MAPRE3: variants seen among roughly 807,000 people sequenced by gnomAD.
MAPRE3 encodes microtubule-associated protein RP/EB family member 3.
In MAPRE3, 2 loss-of-function variants were observed where a neutral mutation model predicts 30.5. That is an observed-to-expected ratio of 0.07 (90% confidence interval 0.03 to 0.21). The LOEUF (loss-of-function observed/expected upper bound fraction) is 0.21. Ranked by LOEUF, MAPRE3 falls within the 10% of genes least tolerant of loss-of-function variation. The pLI is 1.00. For synonymous variants in MAPRE3, 110 were observed against 127.7 expected (o/e 0.86, Z 0.93); for missense variants, 204 against 351.8 (o/e 0.58, Z 3.36).
intron 1 of MAPRE3, among the ~76,000 whole-genome samples, chr2:26,978,342 G>A (rs113854805): frequency 2.0e-5 from 3 of 152,332 alleles, no homozygotes; most frequent in African/African-American, 4.8e-5. Context: ...CCCATGTGAG[G>A]AGTGTTTCAC....
chr2:26,990,297 C>A (rs769551785), intron 1 of MAPRE3, among the ~76,000 whole-genome samples: 1 of 152,180 alleles, frequency 6.6e-6, no homozygotes, highest in African/African-American at 2.4e-5. Flanking sequence ...CCTATGCGCC[C>A]CATGCTCTCC....
chr2:27,024,735 C>T (rs1346655122), intron 4 of MAPRE3, among the ~76,000 whole-genome samples: 1 of 152,314 alleles, frequency 6.6e-6, no homozygotes, highest in African/African-American at 2.4e-5. Flanking sequence ...CACCTTTCCC[C>T]ACTCTAAAGG....
chr2:27,024,059 G>A, intron 3 of MAPRE3, 37 bp from the exon 4 acceptor site: 1 of 1,550,146 alleles, frequency 6.5e-7, no homozygotes. Flanking sequence ...TACAGCAGCA[G>A]GTGGCTAAAG....
intron 1 of MAPRE3, among the ~76,000 whole-genome samples, chr2:26,980,415 TGTA>T (rs765284818): frequency 9.9e-5 from 15 of 152,242 alleles, no homozygotes; most frequent in African/African-American, 2.4e-4. Context: ...CATATAAAAT[TGTA>T]GTATGTGGTT....
At chr2:27,008,810 G>T (rs761146736) in intron 1 of MAPRE3, among the ~76,000 whole-genome samples, 1 of 152,140 alleles carries the variant, frequency 6.6e-6, no homozygotes, top group Non-Finnish European at 1.5e-5. Flanking sequence ...ATCCTCAGTG[G>T]GTGAATGAGT....
At chr2:27,018,923 A>T (rs137995294) in intron 1 of MAPRE3, among the ~76,000 whole-genome samples, 11,592 of 150,208 alleles carry the variant, frequency 0.077, 616 homozygotes, top group African/African-American at 0.15. Context: ...TTATTTATTT[A>T]TTTATTTTTT....
chr2:26,990,958 T>C (rs1666325045), intron 1 of MAPRE3, among the ~76,000 whole-genome samples: 1 of 152,180 alleles, frequency 6.6e-6, no homozygotes, highest in Admixed American at 6.5e-5. Context: ...ACGTACTTAC[T>C]GAACTTAAGA....
At chr2:27,014,562 C>G (rs1666938682) in intron 1 of MAPRE3, 1 of 152,364 alleles carries the variant, frequency 6.6e-6, no homozygotes, top group African/African-American at 2.4e-5. Flanking sequence ...ATGCTGGGCT[C>G]CAGGCCAACC....
At chr2:26,993,206 T>TA (rs1407653093) in intron 1 of MAPRE3, among the ~76,000 whole-genome samples, 1 of 151,986 alleles carries the variant, frequency 6.6e-6, no homozygotes, top group African/African-American at 2.4e-5. Flanking sequence ...CCATCTCTAC[T>TA]AAAAATACAA....
chr2:27,003,402 C>G lies in MAPRE3; in HGVS notation c.-7-18810C>G, dbSNP rs1666647549. Among the ~76,000 whole-genome samples, 3 of 152,248 alleles carry G rather than the reference C, an allele frequency of 2.0e-5. No homozygotes were observed. In the South Asian group the frequency reaches 6.2e-4, roughly 32 times the overall value. ...AGAAAAAAAAATCAGAATTCTGATT[C>G]CAGGAGGGAAATGATAAGGACTCTA... On this transcript the variant is annotated intron_variant, in intron 1 of 6. Coordinates refer to ENST00000233121, the MANE Select transcript of MAPRE3 (RefSeq NM_012326.4).
intron 1 of MAPRE3, among the ~76,000 whole-genome samples, chr2:26,976,033 T>C (rs757354440): frequency 6.6e-6 from 1 of 152,238 alleles, no homozygotes; most frequent in Non-Finnish European, 1.5e-5. Flanking sequence ...AATTTTCAGC[T>C]ATTGATGAAA....
At chr2:26,989,371 T>C (rs1666288772) in intron 1 of MAPRE3, among the ~76,000 whole-genome samples, 1 of 152,030 alleles carries the variant, frequency 6.6e-6, no homozygotes, top group Non-Finnish European at 1.5e-5. Context: ...CCTCGATTAA[T>C]AAGAAAGTGA....
chr2:27,026,231 C>T, intron 6 of MAPRE3, 49 bp from the exon 7 acceptor site: 1 of 1,554,392 alleles, frequency 6.4e-7, no homozygotes, highest in South Asian at 1.2e-5. Context: ...CTGAGAAGCC[C>T]TGCCTGGCCT....
chr2:26,993,700 T>G (rs962875028), intron 1 of MAPRE3, among the ~76,000 whole-genome samples: 3 of 152,280 alleles, frequency 2.0e-5, no homozygotes, highest in African/African-American at 7.2e-5. Context: ...CCCCATGAGA[T>G]TGCCAGGTTG....
intron 1 of MAPRE3, among the ~76,000 whole-genome samples, chr2:26,988,049 C>T (rs1666257732): frequency 6.6e-6 from 1 of 152,202 alleles, no homozygotes; most frequent in Non-Finnish European, 1.5e-5. Flanking sequence ...ACCCATTCTC[C>T]TGGGGCCACC....
At position 26,996,590 on chromosome 2, in the gene MAPRE3, C is replaced by T. The variant is rs568267587; in HGVS notation, c.-7-25622C>T. Among the ~76,000 whole-genome samples the T allele has an allele frequency of 3.9e-5, 6 of 152,190 alleles. No homozygotes were observed. In the South Asian group the frequency reaches 1.2e-3, roughly 32 times the overall value. On this transcript the variant is annotated intron_variant, in intron 1 of 6. Transcript: ENST00000233121. ...GGCTGAGGCGGGCAGATCATGAGGT[C>T]AGGAGATCGAGACCACAGTGAAACC...
intron 1 of MAPRE3, among the ~76,000 whole-genome samples, chr2:26,989,664 T>A (rs1351866599): frequency 6.6e-6 from 1 of 152,134 alleles, no homozygotes; most frequent in Admixed American, 6.6e-5. Flanking sequence ...AAAAATGAGA[T>A]GGCTAAGTGA....
chr2:26,984,173 A>G (rs1666171631), intron 1 of MAPRE3, among the ~76,000 whole-genome samples: 1 of 152,236 alleles, frequency 6.6e-6, no homozygotes, highest in Admixed American at 6.5e-5. Context: ...AGAAACTTGT[A>G]AGAGTGTTAT....
At chr2:27,004,426 T>G (rs1666675915) in intron 1 of MAPRE3, among the ~76,000 whole-genome samples, 1 of 152,200 alleles carries the variant, frequency 6.6e-6, no homozygotes, top group Non-Finnish European at 1.5e-5. Flanking sequence ...CCCCTCATTT[T>G]CTAGGCAAAA....
Sources: allele counts gnomAD v4.1 joint callset (sites outside exome capture counted in the v4.1 genomes callset), GRCh38; gene constraint gnomAD v4.1.1; transcripts MANE v1.5; gene names NCBI Gene and HGNC (gene_info 2026-07-23, HGNC 2026-07-21).